EPHB1: variants seen among roughly 807,000 people sequenced by gnomAD.
EPHB1 encodes the protein ephrin type-B receptor 1.
Under a neutral mutation model 94.4 loss-of-function variants are expected in EPHB1, and 30 were observed. The ratio of observed to expected loss-of-function variants is 0.32; its 90% CI spans 0.24 to 0.43. EPHB1 has a LOEUF of 0.43. Ranked by LOEUF, EPHB1 falls within the 20% of genes least tolerant of loss-of-function variation. The pLI, the probability that EPHB1 is intolerant of heterozygous loss-of-function variation, is 1.00. For missense variants in EPHB1, 1,055 were observed against 1,308.3 expected (o/e 0.81, Z 2.99); for synonymous variants, 522 against 489.1 (o/e 1.07, Z -0.89).
chr3:134,804,808 C>T (rs576807810), intron 1 of EPHB1, among the ~76,000 whole-genome samples: 58 of 152,226 alleles, frequency 3.8e-4, no homozygotes, highest in African/African-American at 1.3e-3. Flanking sequence ...CAACTTTGAG[C>T]GTGGAAGAAC....
chr3:134,838,455 G>A (rs1272007178), intron 1 of EPHB1, among the ~76,000 whole-genome samples: 2 of 152,146 alleles, frequency 1.3e-5, no homozygotes, highest in South Asian at 4.2e-4. Flanking sequence ...TTGCCTCTTA[G>A]GACATCTCCC....
At chr3:135,230,873 T>G (rs527416930) in intron 12 of EPHB1, among the ~76,000 whole-genome samples, 1 of 152,380 alleles carries the variant, frequency 6.6e-6, no homozygotes, top group Admixed American at 6.5e-5. Flanking sequence ...TCCAGCTCCA[T>G]TCATGTTACC....
intron 1 of EPHB1, among the ~76,000 whole-genome samples, chr3:134,802,193 T>C (rs1305522172): frequency 6.6e-6 from 1 of 151,548 alleles, no homozygotes; most frequent in Non-Finnish European, 1.5e-5. Context: ...TCCCAGCACT[T>C]TGGGAGGCTG....
chr3:135,215,477 A>G (rs1943129178), intron 12 of EPHB1, among the ~76,000 whole-genome samples: 1 of 152,146 alleles, frequency 6.6e-6, no homozygotes, highest in Non-Finnish European at 1.5e-5. Context: ...TGTACATTTT[A>G]AAGCTAACTA....
chr3:135,239,499 A>C (rs1241099285), intron 12 of EPHB1, among the ~76,000 whole-genome samples: 2 of 152,170 alleles, frequency 1.3e-5, no homozygotes, highest in African/African-American at 4.8e-5. Flanking sequence ...CAGTGGCTTC[A>C]TGTTCCACGT....
intron 2 of EPHB1, among the ~76,000 whole-genome samples, chr3:134,934,435 TG>T (rs1263233121): frequency 6.6e-6 from 1 of 152,056 alleles, no homozygotes; most frequent in Non-Finnish European, 1.5e-5. Context: ...GGGCCGTGCG[TG>T]GGTGGACCTA....
At chr3:134,886,019 T>A (rs1347585246) in intron 1 of EPHB1, among the ~76,000 whole-genome samples, 1 of 152,204 alleles carries the variant, frequency 6.6e-6, no homozygotes, top group East Asian at 1.9e-4. Flanking sequence ...GTTTAAGAGT[T>A]GGTTAATTAA....
intron 3 of EPHB1, among the ~76,000 whole-genome samples, chr3:135,086,524 A>T (rs2107789344): frequency 6.6e-6 from 1 of 151,694 alleles, no homozygotes; most frequent in East Asian, 2.0e-4. Context: ...CAAGCTGCTA[A>T]ACATCCTTGA....
At chr3:135,054,906 A>T (rs897111194) in intron 3 of EPHB1, among the ~76,000 whole-genome samples, 1 of 152,284 alleles carries the variant, frequency 6.6e-6, no homozygotes, top group South Asian at 2.1e-4. Context: ...TATACCACCT[A>T]TGCTTTCATT....
intron 2 of EPHB1, among the ~76,000 whole-genome samples, chr3:134,940,694 T>C (rs1018266529): frequency 6.6e-6 from 1 of 152,230 alleles, no homozygotes; most frequent in Admixed American, 6.5e-5. Context: ...ATTACCCCAC[T>C]GCCAGCTGTC....
intron 12 of EPHB1, among the ~76,000 whole-genome samples, chr3:135,224,085 A>C (rs1236416736): frequency 6.6e-6 from 1 of 152,218 alleles, no homozygotes. Context: ...TTGTGTTACA[A>C]TTGCCAACAG....
chr3:135,000,976 C>T (rs1253568138), intron 3 of EPHB1, among the ~76,000 whole-genome samples: 1 of 152,186 alleles, frequency 6.6e-6, no homozygotes, highest in Non-Finnish European at 1.5e-5. Flanking sequence ...TGACTCCCCT[C>T]CTCATCTCAT....
chr3:134,795,655 G>A lies in EPHB1; in HGVS notation c.24G>A (p.Leu8=). 6.2e-7 allele frequency: 1 copy of A among 1,609,652 alleles called. No homozygotes were observed. Among genetic ancestry groups the A allele is most frequent in the South Asian group, 1.1e-5 (1 of 90,658 alleles). MALDYLL[L]LLLASAVAAM... ...CGATGGCCCTGGATTATCTACTACT[G>A]CTCCTCCTGGCATCCGCAGTGGCTG... The change falls in exon 1 of 16, where the codon CTG becomes CTA. Residue 8 remains leucine, a synonymous_variant. Coordinates refer to ENST00000398015, the MANE Select transcript of EPHB1 (RefSeq NM_004441.5).
At chr3:134,988,973 G>A (rs1276567549) in intron 3 of EPHB1, among the ~76,000 whole-genome samples, 1 of 152,198 alleles carries the variant, frequency 6.6e-6, no homozygotes, top group East Asian at 1.9e-4. Context: ...AGGGAATTGA[G>A]ATGTGCTGAC....
intron 3 of EPHB1, among the ~76,000 whole-genome samples, chr3:135,036,185 G>A (rs1002167500): frequency 6.6e-6 from 1 of 152,142 alleles, no homozygotes; most frequent in Non-Finnish European, 1.5e-5. Context: ...GGAGGCCGTT[G>A]GCATAGGTAG....
chr3:134,860,172 G>GACACACAC lies in EPHB1; in HGVS notation c.58+64500_58+64507dup, dbSNP rs71139560. ...AGGGACACACACACACACACACACA[G>GACACACAC]ACACACACACACACACACACACACT... On this transcript the variant is annotated intron_variant, in intron 1 of 15. Coordinates refer to ENST00000398015, the MANE Select transcript of EPHB1 (RefSeq NM_004441.5). Among the ~76,000 whole-genome samples, 463 of 139,242 alleles carry GACACACAC rather than the reference G, an allele frequency of 3.3e-3. 1 individual carries two copies. Among genetic ancestry groups the GACACACAC allele is most frequent in the African/African-American group, 0.011 (425 of 38,160 alleles). The allele number at this position is 139,242 out of a possible 152,430, so 91.3% of individuals were successfully genotyped here. A position where few individuals can be genotyped will look rare whatever the true frequency, so the allele number is the denominator to read the frequency against.
chr3:135,161,331 G>A (rs761576104), intron 6 of EPHB1, among the ~76,000 whole-genome samples: 9 of 152,126 alleles, frequency 5.9e-5, no homozygotes, highest in Non-Finnish European at 1.0e-4. Context: ...AGGACACAGG[G>A]GCTGCTCTGC....
At chr3:135,152,167 T>C (rs1348772460) in intron 5 of EPHB1, among the ~76,000 whole-genome samples, 2 of 152,226 alleles carry the variant, frequency 1.3e-5, no homozygotes, top group Non-Finnish European at 2.9e-5. Flanking sequence ...TATTTTTTTT[T>C]CAGCAGGAAT....
At chr3:135,161,980 G>A in intron 6 of EPHB1, 38 bp from the exon 7 acceptor site, 1 of 1,575,476 alleles carries the variant, frequency 6.3e-7, no homozygotes, top group Non-Finnish European at 8.6e-7. Context: ...GTAGCCTTCA[G>A]GAATGGGATA....
Sources: gnomAD v4.1 joint callset for allele counts (sites outside exome capture counted in the v4.1 genomes callset) on GRCh38, gnomAD v4.1.1 for gene constraint, MANE v1.5 for transcripts, NCBI Gene and HGNC (gene_info 2026-07-23, HGNC 2026-07-21) for gene names.